CDC14B: variants seen among roughly 807,000 people sequenced by gnomAD.
CDC14B encodes cell division cycle 14B.
In CDC14B, 22 loss-of-function variants were observed where a neutral mutation model predicts 64.2. That is an observed-to-expected ratio of 0.34 (90% CI 0.24 to 0.49). The LOEUF (loss-of-function observed/expected upper bound fraction) is 0.49, where lower values mean the gene tolerates loss of function less well. Among genes scored for constraint, CDC14B ranks in the 20% least tolerant of loss-of-function variants. The pLI, the probability that CDC14B is intolerant of heterozygous loss-of-function variation, is 0.99. For missense variants in CDC14B, 498 were observed against 629.9 expected, an observed-to-expected ratio of 0.79 and a Z score of 2.24; for synonymous variants, 191 against 215.8, an observed-to-expected ratio of 0.89 and a Z score of 1.01.
At chr9:96,538,857 T>A in intron 7 of CDC14B, 2 of 471,674 alleles carry the variant, frequency 4.2e-6, no homozygotes, top group South Asian at 5.0e-5. Flanking sequence ...TCTGCTAGAG[T>A]ACATCTCAGG....
At chr9:96,537,894 T>C (rs1183085642) in intron 7 of CDC14B, among the ~76,000 whole-genome samples, 1 of 152,054 alleles carries the variant, frequency 6.6e-6, no homozygotes, top group African/African-American at 2.4e-5. Flanking sequence ...GGCTAACTTT[T>C]TGTATTTTAG....
intron 1 of CDC14B, among the ~76,000 whole-genome samples, chr9:96,573,099 A>C (rs991803598): frequency 6.6e-6 from 1 of 152,288 alleles, no homozygotes; most frequent in Middle Eastern, 3.4e-3. Context: ...ACCTGAGGTC[A>C]GGAGTTCAAG....
intron 7 of CDC14B, among the ~76,000 whole-genome samples, chr9:96,537,538 T>C (rs535559538): frequency 6.6e-6 from 1 of 152,262 alleles, no homozygotes; most frequent in Non-Finnish European, 1.5e-5. Flanking sequence ...AGATTACACT[T>C]TTCTGATCAT....
At chr9:96,551,357 C>T (rs564928747) in intron 5 of CDC14B, among the ~76,000 whole-genome samples, 2 of 151,828 alleles carry the variant, frequency 1.3e-5, no homozygotes, top group Non-Finnish European at 2.9e-5. Context: ...CCTGGGCTCA[C>T]GCAATCATTC....
At chr9:96,616,299 C>G (rs572135751) in intron 1 of CDC14B, among the ~76,000 whole-genome samples, 1 of 151,644 alleles carries the variant, frequency 6.6e-6, no homozygotes, top group Non-Finnish European at 1.5e-5. Flanking sequence ...GCACTCAACC[C>G]GGGCAACAGA....
At chr9:96,495,620 T>C (rs1442517936), downstream of CDC14B, among the ~76,000 whole-genome samples, 3 of 152,070 alleles carry the variant, frequency 2.0e-5, no homozygotes, top group Admixed American at 6.5e-5. Flanking sequence ...GGTGAGAGGA[T>C]AGAGCTGGAG....
At chr9:96,558,158 G>A (rs1397607012) in intron 4 of CDC14B, among the ~76,000 whole-genome samples, 3 of 152,226 alleles carry the variant, frequency 2.0e-5, no homozygotes, top group African/African-American at 7.2e-5. Context: ...AAGGGCGTGT[G>A]TGGTCAGGGG....
chr9:96,518,299 G>A (rs145110994), intron 12 of CDC14B, among the ~76,000 whole-genome samples: 1,994 of 152,040 alleles, frequency 0.013, 43 homozygotes, highest in African/African-American at 0.045. Context: ...GGCAGATCAC[G>A]AGGTCAGGAG....
chr9:96,536,683 T>C (rs1480692531), intron 7 of CDC14B, among the ~76,000 whole-genome samples: 1 of 152,144 alleles, frequency 6.6e-6, no homozygotes, highest in Non-Finnish European at 1.5e-5. Context: ...ACTTTGGACG[T>C]TGTGAAAAAG....
At chr9:96,523,503 T>C (rs577383295) in intron 10 of CDC14B, 83 bp from the exon 11 acceptor site, 6 of 1,603,224 alleles carry the variant, frequency 3.7e-6, no homozygotes, top group Middle Eastern at 1.7e-4. Flanking sequence ...TCTGTTGTTG[T>C]TGGAAACTAA....
chr9:96,517,676 A>G (rs1835940511), intron 12 of CDC14B, among the ~76,000 whole-genome samples: 1 of 145,760 alleles, frequency 6.9e-6, no homozygotes, highest in Non-Finnish European at 1.5e-5. Context: ...AAGAAGAAAG[A>G]AAGAAAGAAA....
rs904559742 is a variant in CDC14B at position 96,609,597 on chromosome 9, G to A, written c.160+9622C>T. Among the ~76,000 whole-genome samples, 5 of 152,060 alleles carry A rather than the reference G, an allele frequency of 3.3e-5. No homozygotes were observed. In the East Asian group the frequency reaches 7.7e-4, roughly 23 times the overall value. On this transcript the variant is annotated intron_variant, in intron 1 of 13. Transcript: ENST00000375241. ...AATATAGATAATAAATGAGCAAAAC[G>A]CAAAGAATGATTCAGCTGAGATGGT...
chr9:96,497,667 C>T (rs531448260), downstream of CDC14B, among the ~76,000 whole-genome samples: 1 of 152,326 alleles, frequency 6.6e-6, no homozygotes, highest in South Asian at 2.1e-4. Flanking sequence ...TTCTCCTGGA[C>T]AGCATTAATT....
intron 5 of CDC14B, among the ~76,000 whole-genome samples, chr9:96,548,310 C>T (rs994009239): frequency 1.3e-5 from 2 of 152,030 alleles, no homozygotes; most frequent in African/African-American, 4.8e-5. Flanking sequence ...ACAAAAACAA[C>T]TAAGAAGCAA....
chr9:96,584,377 A>G (rs1211020907), intron 1 of CDC14B, among the ~76,000 whole-genome samples: 2 of 152,178 alleles, frequency 1.3e-5, no homozygotes, highest in Non-Finnish European at 2.9e-5. Context: ...TTCCAGCAGT[A>G]TGGTACAAAG....
chr9:96,497,411 A>C (rs554269664), downstream of CDC14B, among the ~76,000 whole-genome samples: 1 of 152,360 alleles, frequency 6.6e-6, no homozygotes, highest in Non-Finnish European at 1.5e-5. Flanking sequence ...TTCTCCCCCA[A>C]TAAACGGATA....
At chr9:96,583,749 C>T (rs1845306585) in intron 1 of CDC14B, among the ~76,000 whole-genome samples, 1 of 151,440 alleles carries the variant, frequency 6.6e-6, no homozygotes, top group Non-Finnish European at 1.5e-5. Flanking sequence ...GACGGAGTCT[C>T]GCTCTGTCGC....
At position 96,525,167 on chromosome 9, in the gene CDC14B, A is replaced by G. The variant is rs1472848376; in HGVS notation, c.947-1442T>C. On this transcript the variant is annotated intron_variant, in intron 9 of 13. Transcript: ENST00000375241. ...AAAAATAAGAGTGTTACAGAGAGAAAAGTCAAGGGTGTGGCTGGACACTCC... is the reference window on the plus strand; with the variant it reads ...AAAAATAAGAGTGTTACAGAGAGAAGAGTCAAGGGTGTGGCTGGACACTCC... Among the ~76,000 whole-genome samples, 3 of 152,064 alleles carry G rather than the reference A, an allele frequency of 2.0e-5. No individual in the cohort carries two copies. In the East Asian group the frequency reaches 5.8e-4, roughly 29 times the overall value.
At position 96,596,941 on chromosome 9, in the gene CDC14B, G is replaced by A. The variant is rs570396353; in HGVS notation, c.160+22278C>T. 1.2e-4 allele frequency among the ~76,000 whole-genome samples: 18 copies of A among 151,848 alleles called. No homozygotes were observed. In the South Asian group the frequency reaches 3.7e-3, roughly 32 times the overall value. ...TAATAAGCAGATAATTATATGTTAA[G>A]GAGAAGGAGGCAGAAAAAATATTTA... On this transcript the variant is annotated intron_variant, in intron 1 of 13. Transcript: ENST00000375241.
Sources: allele counts gnomAD v4.1 joint callset (sites outside exome capture counted in the v4.1 genomes callset), GRCh38; gene constraint gnomAD v4.1.1; transcripts MANE v1.5; gene names NCBI Gene and HGNC (gene_info 2026-07-23, HGNC 2026-07-21).